The following SATB2 variants were observed in gnomAD, a reference collection of about 807,000 sequenced individuals.
The protein encoded by SATB2 is SATB homeobox 2.
SATB2 carries 1 observed loss-of-function variant against 73.4 expected under a neutral mutation model. The observed-to-expected ratio is 0.01, with a 90% CI of 0.00 to 0.06. The LOEUF is 0.06. SATB2 is among the 10% of genes least tolerant of loss of function. SATB2 has a pLI of 1.00. For missense variants in SATB2, 459 were observed against 945.8 expected, an observed-to-expected ratio of 0.49 and a Z score of 6.75; for synonymous variants, 397 against 367.0, an observed-to-expected ratio of 1.08 and a Z score of -0.93.
intron 3 of SATB2, among the ~76,000 whole-genome samples, chr2:199,407,018 C>T (rs2105898583): frequency 6.6e-6 from 1 of 152,128 alleles, no homozygotes; most frequent in African/African-American, 2.4e-5. Flanking sequence ...TCTTATTTTA[C>T]ACATGAAGTA....
chr2:199,297,702 T>C (rs895526), intron 10 of SATB2, among the ~76,000 whole-genome samples: 110,438 of 151,964 alleles, frequency 0.73, 41,438 homozygotes, highest in South Asian at 0.85. Context: ...CACTACATGG[T>C]TCTTTCACAA....
intron 3 of SATB2, among the ~76,000 whole-genome samples, chr2:199,383,212 C>T (rs760391300): frequency 1.6e-4 from 25 of 152,116 alleles, no homozygotes; most frequent in Non-Finnish European, 1.9e-4. Context: ...TTCATAGTAC[C>T]GTATGTCTCC....
chr2:199,294,184 C>T (rs1455990958), intron 10 of SATB2, among the ~76,000 whole-genome samples: 2 of 152,046 alleles, frequency 1.3e-5, no homozygotes, highest in African/African-American at 4.8e-5. Flanking sequence ...GGAATGGCAA[C>T]ACAGAACACA....
chr2:199,283,508 G>A (rs554426660), intron 10 of SATB2, among the ~76,000 whole-genome samples: 4 of 149,496 alleles, frequency 2.7e-5, no homozygotes, highest in Admixed American at 6.8e-5. Flanking sequence ...TTTCCCACCA[G>A]TGCTTTTGTA....
chr2:199,356,099 C>T lies in SATB2; in HGVS notation c.701-6926G>A, dbSNP rs536629722. ...TCTGGCCTATGGATTTTTCTTTAAGCCATTAAGATGCTTATGCAAATGTAA... is the reference window on the plus strand; with the variant it reads ...TCTGGCCTATGGATTTTTCTTTAAGTCATTAAGATGCTTATGCAAATGTAA... On this transcript the variant is annotated intron_variant, in intron 6 of 10. Transcript: ENST00000417098. 7.2e-5 allele frequency among the ~76,000 whole-genome samples: 11 copies of T among 151,900 alleles called. No individual in the cohort carries two copies. In the East Asian group the frequency reaches 2.1e-3, roughly 29 times the overall value.
Position 199,335,316 on chromosome 2 carries a change from A to G in SATB2, c.1174-6406T>C, listed in dbSNP as rs553873869. Among the ~76,000 whole-genome samples the G allele has an allele frequency of 5.9e-5, 9 of 152,312 alleles. No homozygotes were observed. The South Asian group carries it at 1.2e-3, about 21-fold the overall frequency. ...GAATTAATGTATTCTGCAAATATAA[A>G]TGCATATACAAAAGTAACATTTGCA... On this transcript the variant is annotated intron_variant, in intron 7 of 10. Transcript: ENST00000417098.
chr2:199,433,187 T>A, intron 3 of SATB2, 151 bp downstream of exon 3: 1 of 801,734 alleles, frequency 1.2e-6, no homozygotes, highest in Non-Finnish European at 1.9e-6. Context: ...AAACAAGACC[T>A]TCTACAAGAA....
At chr2:199,409,167 C>CTTTTTTTTTTTTTTTT (rs67330007) in intron 3 of SATB2, among the ~76,000 whole-genome samples, 1 of 115,244 alleles carries the variant, frequency 8.7e-6, no homozygotes, top group Non-Finnish European at 1.8e-5. Flanking sequence ...TTTTTCTTTT[C>CTTTTTTTTTTTTTTTT]TTTTTTTTTT....
chr2:199,455,834 C>T lies in SATB2; in HGVS notation c.169+35G>A. 1 of 1,533,620 alleles carries T rather than the reference C, an allele frequency of 6.5e-7. No homozygotes were observed. The highest frequency in any genetic ancestry group is 8.7e-7 in the Non-Finnish European group (1 of 1,145,982). On this transcript the variant is annotated intron_variant, in intron 2 of 10. Coordinates refer to ENST00000417098, the MANE Select transcript of SATB2 (RefSeq NM_001172509.2). This position sits in a 1 kb window ranked among gnomAD's most constrained non-coding sequence, Gnocchi z 4.1. The stretch of plus-strand genomic sequence containing the variant: ...GACACCCGGGCCATTATCACTGGGC[C>T]GCGGGCTGCGCGCCTCCCTGCTCCG...
chr2:199,433,094 A>G (rs879765438), intron 3 of SATB2, among the ~76,000 whole-genome samples: 3 of 152,220 alleles, frequency 2.0e-5, no homozygotes, highest in Non-Finnish European at 4.4e-5. Context: ...AGTGTTATAA[A>G]TGCAAAAAAA....
intron 9 of SATB2, among the ~76,000 whole-genome samples, chr2:199,310,760 T>A (rs1687573120): frequency 6.6e-6 from 1 of 152,154 alleles, no homozygotes; most frequent in African/African-American, 2.4e-5. Context: ...AAAACCTGCA[T>A]CTGTTAAAAG....
At chr2:199,361,930 G>A (rs543283974) in intron 6 of SATB2, among the ~76,000 whole-genome samples, 2 of 151,300 alleles carry the variant, frequency 1.3e-5, no homozygotes, top group Non-Finnish European at 2.9e-5. Flanking sequence ...GTAAAGATGG[G>A]GTTTCATCAT....
At chr2:199,365,688 G>A (rs557075387) in intron 6 of SATB2, among the ~76,000 whole-genome samples, 9 of 152,154 alleles carry the variant, frequency 5.9e-5, no homozygotes, top group Non-Finnish European at 1.2e-4. Context: ...AATTCCATTT[G>A]TATGTAGTTT....
chr2:199,427,735 G>A (rs1469487849), intron 3 of SATB2, among the ~76,000 whole-genome samples: 1 of 152,058 alleles, frequency 6.6e-6, no homozygotes, highest in Non-Finnish European at 1.5e-5. Flanking sequence ...TATGTTGCAT[G>A]TTTCCATAAA....
At chr2:199,297,739 G>A (rs1414015160) in intron 10 of SATB2, among the ~76,000 whole-genome samples, 1 of 151,880 alleles carries the variant, frequency 6.6e-6, no homozygotes, top group Non-Finnish European at 1.5e-5. Flanking sequence ...GGGTAGCAAG[G>A]ACAGCAGAAG....
At chr2:199,295,392 G>A (rs1053576328) in intron 10 of SATB2, among the ~76,000 whole-genome samples, 2 of 151,668 alleles carry the variant, frequency 1.3e-5, no homozygotes, top group Admixed American at 1.3e-4. Context: ...TGTTTCGCTG[G>A]CAAATATTTA....
chr2:199,308,829 C>G lies in SATB2; in HGVS notation c.1671G>C (p.Glu557Asp), dbSNP rs377609161. ...CGCTGTGGTGATGCCTTGACTCCTC[C>G]TCATAGATGACATCCCTCTCATGCT... ...LPQHERDVIYEEESRHHHSER... is the reference protein window; with the variant it reads ...LPQHERDVIYDEESRHHHSER... The change falls in exon 10 of 11, where the codon GAG (glutamate) becomes GAC (aspartate). Residue 557 changes from glutamate (E) to aspartate (D), a missense_variant. Glu to Asp is a conservative substitution (Grantham distance 45). Around this residue, in one of 13 missense-constraint regions of SATB2, gnomAD observed 74 missense variants for 136.1 expected, o/e 0.54. Coordinates refer to ENST00000417098, the MANE Select transcript of SATB2 (RefSeq NM_001172509.2). The surrounding 1 kb of genome is among the most constrained non-coding windows in gnomAD (Gnocchi z 4.6). 8 of 1,614,050 alleles carry G rather than the reference C, an allele frequency of 5.0e-6. No homozygotes were observed. Among genetic ancestry groups the G allele is most frequent in the Non-Finnish European group, 6.8e-6 (8 of 1,180,028 alleles).
chr2:199,319,239 ACT>A (rs1687819298), intron 9 of SATB2, among the ~76,000 whole-genome samples: 1 of 151,762 alleles, frequency 6.6e-6, no homozygotes, highest in Non-Finnish European at 1.5e-5. Flanking sequence ...AGGAAGAAAA[ACT>A]CTCTCATTCC....
chr2:199,398,972 G>A (rs534832335), intron 3 of SATB2, among the ~76,000 whole-genome samples: 1 of 152,136 alleles, frequency 6.6e-6, no homozygotes, highest in Non-Finnish European at 1.5e-5. Flanking sequence ...TAAAGATAAA[G>A]ATACAGGTAA....
Sources: gnomAD v4.1 joint callset for allele counts (sites outside exome capture counted in the v4.1 genomes callset) on GRCh38, gnomAD v4.1.1 for gene constraint, gnomAD v4.1.1 regional missense constraint, Gnocchi (gnomAD v3.1) non-coding constraint, MANE v1.5 for transcripts, NCBI Gene and HGNC (gene_info 2026-07-23, HGNC 2026-07-21) for gene names.